The following GABRB1 variants were observed in gnomAD, a reference collection of about 807,000 sequenced individuals.
GABRB1 encodes the protein gamma-aminobutyric acid type A receptor subunit beta1, also known as gamma-aminobutyric acid receptor subunit beta-1.
Under a neutral mutation model 51.6 loss-of-function variants are expected in GABRB1, and 17 were observed. That is an observed-to-expected ratio of 0.33 (90% CI 0.23 to 0.49). The LOEUF is 0.49. Ranked by LOEUF, GABRB1 falls within the 20% of genes least tolerant of loss-of-function variation. GABRB1 has a pLI of 0.99. For missense variants in GABRB1, 410 were observed against 600.6 expected, an observed-to-expected ratio of 0.68 and a Z score of 3.32; for synonymous variants, 247 against 218.9, an observed-to-expected ratio of 1.13 and a Z score of -1.14.
chr4:47,228,044 G>A (rs1249275509), intron 4 of GABRB1, among the ~76,000 whole-genome samples: 1 of 152,134 alleles, frequency 6.6e-6, no homozygotes, highest in East Asian at 1.9e-4. Flanking sequence ...AGGGTTAGGT[G>A]TACAACACGT....
intron 4 of GABRB1, among the ~76,000 whole-genome samples, chr4:47,179,913 A>T (rs576372312): frequency 6.6e-6 from 1 of 152,224 alleles, no homozygotes; most frequent in South Asian, 2.1e-4. Flanking sequence ...ACTCCAAATT[A>T]CTATTGCTAG....
At chr4:47,173,705 G>A (rs930723558) in intron 4 of GABRB1, among the ~76,000 whole-genome samples, 6 of 152,214 alleles carry the variant, frequency 3.9e-5, no homozygotes, top group Admixed American at 1.3e-4. Context: ...CTCATGCTTC[G>A]TTTATTTGAG....
At chr4:47,006,125 T>C (rs1724390782) in intron 1 of GABRB1, among the ~76,000 whole-genome samples, 1 of 152,032 alleles carries the variant, frequency 6.6e-6, no homozygotes. Context: ...TTCCATTAGA[T>C]CATTTCCGAC....
At chr4:47,078,722 G>A (rs1727680718) in intron 3 of GABRB1, among the ~76,000 whole-genome samples, 1 of 152,112 alleles carries the variant, frequency 6.6e-6, no homozygotes, top group African/African-American at 2.4e-5. Flanking sequence ...TTTCATCTCT[G>A]GGTCCTGGTT....
intron 3 of GABRB1, among the ~76,000 whole-genome samples, chr4:47,047,612 A>T (rs1385070358): frequency 2.0e-5 from 3 of 152,136 alleles, no homozygotes; most frequent in Non-Finnish European, 4.4e-5. Flanking sequence ...TCAGAGATTT[A>T]GGGAATATGG....
intron 4 of GABRB1, among the ~76,000 whole-genome samples, chr4:47,229,583 A>G (rs1721065858): frequency 3.3e-5 from 5 of 152,162 alleles, no homozygotes; most frequent in African/African-American, 1.2e-4. Context: ...TTAACTTATT[A>G]TATTACTTTA....
In GABRB1 at chr4:47,137,294, A is replaced by C. The variant is rs539356164; in HGVS notation, c.241-23955A>C. Among the ~76,000 whole-genome samples the C allele has an allele frequency of 2.0e-5, 3 of 147,940 alleles. No individual in the cohort carries two copies. In the South Asian group the frequency reaches 6.7e-4, roughly 33 times the overall value. Reference sequence around the variant, plus strand: ...GGAGGTGGTCTGATGAGCGAGGAACACCAGAGATTGGCATGATATCGCATG... The same window carrying C: ...GGAGGTGGTCTGATGAGCGAGGAACCCCAGAGATTGGCATGATATCGCATG... On this transcript the variant is annotated intron_variant, in intron 3 of 8. Transcript: ENST00000295454.
intron 3 of GABRB1, among the ~76,000 whole-genome samples, chr4:47,050,800 T>G (rs769765271): frequency 3.3e-5 from 5 of 152,174 alleles, no homozygotes; most frequent in Non-Finnish European, 7.3e-5. Flanking sequence ...AAATTCAATT[T>G]CAATATTACT....
intron 5 of GABRB1, among the ~76,000 whole-genome samples, chr4:47,345,554 G>T (rs1726060101): frequency 6.6e-6 from 1 of 152,124 alleles, no homozygotes; most frequent in Non-Finnish European, 1.5e-5. Flanking sequence ...GAAGGATCTT[G>T]GTAAGCATAA....
intron 1 of GABRB1, among the ~76,000 whole-genome samples, chr4:47,003,929 A>C (rs901713038): frequency 1.3e-5 from 2 of 152,228 alleles, no homozygotes; most frequent in African/African-American, 4.8e-5. Context: ...AAGTTAGGAA[A>C]TCATTAATTA....
intron 8 of GABRB1, among the ~76,000 whole-genome samples, chr4:47,414,893 C>T (rs895216149): frequency 6.6e-6 from 1 of 152,156 alleles, no homozygotes; most frequent in Admixed American, 6.5e-5. Flanking sequence ...AGCCTTTGAG[C>T]CTGGGCCTTC....
rs542914897 is a variant in GABRB1, at chr4:47,050,625, G to A, written c.240+18141G>A. On this transcript the variant is annotated intron_variant, in intron 3 of 8. Coordinates refer to ENST00000295454, the MANE Select transcript of GABRB1 (RefSeq NM_000812.4). ...TTTGTTGGATACCTGCTTTGCAAAT[G>A]GCTTGCTATAAGTAGACATTCAACA... Among the ~76,000 whole-genome samples the A allele has an allele frequency of 5.3e-5, 8 of 152,134 alleles. No homozygotes were observed. In the East Asian group the frequency reaches 9.7e-4, roughly 18 times the overall value.
At chr4:47,086,897 A>G (rs1352596401) in intron 3 of GABRB1, among the ~76,000 whole-genome samples, 2 of 152,168 alleles carry the variant, frequency 1.3e-5, no homozygotes, top group African/African-American at 4.8e-5. Flanking sequence ...GGTCACACTC[A>G]TTCTCCTAAT....
chr4:47,038,895 T>C (rs1413182417), intron 3 of GABRB1, among the ~76,000 whole-genome samples: 1 of 152,162 alleles, frequency 6.6e-6, no homozygotes, highest in Non-Finnish European at 1.5e-5. Context: ...ATGTTTATAG[T>C]TGACTAAATA....
chr4:47,254,490 G>A (rs922444819), intron 4 of GABRB1, among the ~76,000 whole-genome samples: 3 of 147,700 alleles, frequency 2.0e-5, no homozygotes, highest in Admixed American at 1.4e-4. Context: ...CTCAGCCTCC[G>A]GAGTAGCTGG....
intron 5 of GABRB1, among the ~76,000 whole-genome samples, chr4:47,336,076 C>T (rs552681372): frequency 5.9e-5 from 9 of 152,254 alleles, no homozygotes; most frequent in South Asian, 4.1e-4. Flanking sequence ...AAAATGCCAT[C>T]GACCAAGTGG....
At chr4:47,206,944 T>G (rs1720152158) in intron 4 of GABRB1, among the ~76,000 whole-genome samples, 1 of 151,944 alleles carries the variant, frequency 6.6e-6, no homozygotes, top group Non-Finnish European at 1.5e-5. Flanking sequence ...TTTCTGAATT[T>G]AAAATTCTAT....
intron 3 of GABRB1, among the ~76,000 whole-genome samples, chr4:47,072,764 T>C (rs1165309307): frequency 5.3e-5 from 8 of 152,202 alleles, no homozygotes; most frequent in Admixed American, 5.2e-4. Flanking sequence ...AAATTCTGTT[T>C]TGAGTTGCGA....
At chr4:47,277,464 C>T (rs996246641) in intron 4 of GABRB1, among the ~76,000 whole-genome samples, 1 of 151,908 alleles carries the variant, frequency 6.6e-6, no homozygotes, top group Non-Finnish European at 1.5e-5. Context: ...AATAGGGTGA[C>T]TATAGTCAAT....
Sources: gnomAD v4.1 joint callset for allele counts (sites outside exome capture counted in the v4.1 genomes callset) on GRCh38, gnomAD v4.1.1 for gene constraint, MANE v1.5 for transcripts, NCBI Gene and HGNC (gene_info 2026-07-23, HGNC 2026-07-21) for gene names.